The following ARHGAP26 variants were observed in gnomAD, a reference collection of about 807,000 sequenced individuals.
ARHGAP26 encodes the protein Rho GTPase activating protein 26, also known as rho GTPase-activating protein 26.
ARHGAP26 carries 38 observed loss-of-function variants against 104.8 expected under a neutral mutation model. That is an observed-to-expected ratio of 0.36 (90% CI 0.28 to 0.48). The LOEUF (loss-of-function observed/expected upper bound fraction) is 0.48, where lower values mean the gene tolerates loss of function less well. Among genes scored for constraint, ARHGAP26 ranks in the 20% least tolerant of loss-of-function variants. The probability of loss-of-function intolerance (pLI) is 0.99; values close to 1 mark genes in which losing one functional copy is unlikely to be tolerated. For missense variants in ARHGAP26, 704 were observed against 947.9 expected (o/e 0.74, Z 3.38); for synonymous variants, 341 against 340.0 (o/e 1.00, Z -0.03).
At chr5:143,097,284 G>A (rs1792477931) in intron 17 of ARHGAP26, among the ~76,000 whole-genome samples, 1 of 148,890 alleles carries the variant, frequency 6.7e-6, no homozygotes, top group Admixed American at 6.8e-5. Context: ...CGTGGAGGTT[G>A]CAGTGAGCCG....
intron 1 of ARHGAP26, among the ~76,000 whole-genome samples, chr5:142,785,538 T>C (rs1230410101): frequency 6.6e-6 from 1 of 152,212 alleles, no homozygotes; most frequent in East Asian, 1.9e-4. Flanking sequence ...GAGCGTGTTA[T>C]TTCTGCTTGA....
chr5:142,819,600 A>C (rs1264605435), intron 1 of ARHGAP26, among the ~76,000 whole-genome samples: 1 of 152,162 alleles, frequency 6.6e-6, no homozygotes, highest in Admixed American at 6.5e-5. Flanking sequence ...GATTACACAA[A>C]CTGATGTTAC....
chr5:142,894,493 G>A (rs1283248669), intron 6 of ARHGAP26, 145 bp downstream of exon 6: 36 of 712,154 alleles, frequency 5.1e-5, no homozygotes, highest in Middle Eastern at 7.7e-4. Context: ...AGTGCTTTGC[G>A]AGCCTGGCTG....
chr5:142,970,407 G>C (rs1772087771), intron 11 of ARHGAP26, among the ~76,000 whole-genome samples: 1 of 152,210 alleles, frequency 6.6e-6, no homozygotes, highest in African/African-American at 2.4e-5. Context: ...AGTAGCCTTT[G>C]ACTCTTTCTG....
At chr5:143,020,600 T>C (rs544379481) in intron 12 of ARHGAP26, among the ~76,000 whole-genome samples, 1 of 151,374 alleles carries the variant, frequency 6.6e-6, no homozygotes, top group East Asian at 1.9e-4. Flanking sequence ...CTTTCTTTCC[T>C]TGTGGTTTGT....
chr5:143,022,705 A>G (rs1780520683), intron 12 of ARHGAP26, among the ~76,000 whole-genome samples: 1 of 152,350 alleles, frequency 6.6e-6, no homozygotes, highest in Non-Finnish European at 1.5e-5. Flanking sequence ...TGCCATTTGT[A>G]CAAATGCTGT....
intron 20 of ARHGAP26, among the ~76,000 whole-genome samples, chr5:143,196,239 C>T (rs1472217130): frequency 6.6e-6 from 1 of 152,068 alleles, no homozygotes; most frequent in Non-Finnish European, 1.5e-5. Context: ...GCTTTCTCCT[C>T]CCCCATCACA....
chr5:143,108,504 G>A (rs535592203), intron 17 of ARHGAP26, among the ~76,000 whole-genome samples: 5 of 152,106 alleles, frequency 3.3e-5, no homozygotes, highest in Non-Finnish European at 5.9e-5. Context: ...AGGACATATA[G>A]GTTTGTCAAT....
At chr5:143,060,317 A>G (rs1448002487) in intron 17 of ARHGAP26, among the ~76,000 whole-genome samples, 6 of 152,312 alleles carry the variant, frequency 3.9e-5, no homozygotes, top group Non-Finnish European at 7.4e-5. Context: ...AAAGGCAAGC[A>G]TTTTGTATTG....
At chr5:142,811,782 G>T (rs1272140571) in intron 1 of ARHGAP26, among the ~76,000 whole-genome samples, 1 of 152,214 alleles carries the variant, frequency 6.6e-6, no homozygotes, top group Non-Finnish European at 1.5e-5. Context: ...TTTCACTTAT[G>T]ATACTCTTGT....
intron 20 of ARHGAP26, among the ~76,000 whole-genome samples, chr5:143,177,987 C>CTTTTTTTTTT (rs397705462): frequency 1.7e-5 from 1 of 58,296 alleles, no homozygotes; most frequent in African/African-American, 6.9e-5. Flanking sequence ...TGTGGCAGTC[C>CTTTTTTTTTT]TTTTTTTTTT....
chr5:142,905,502 C>T (rs1760982019), intron 8 of ARHGAP26, among the ~76,000 whole-genome samples: 1 of 152,120 alleles, frequency 6.6e-6, no homozygotes, highest in Non-Finnish European at 1.5e-5. Flanking sequence ...TTACCCAGTG[C>T]ATCAATTTTT....
chr5:143,201,434 T>G (rs1169109556), intron 20 of ARHGAP26, among the ~76,000 whole-genome samples: 3 of 152,262 alleles, frequency 2.0e-5, no homozygotes, highest in African/African-American at 7.2e-5. Context: ...AATTTGATAT[T>G]GGAGGTTTCA....
intron 18 of ARHGAP26, among the ~76,000 whole-genome samples, chr5:143,130,814 C>G (rs1797249996): frequency 6.6e-6 from 1 of 152,214 alleles, no homozygotes; most frequent in African/African-American, 2.4e-5. Flanking sequence ...TTTCCAGAGT[C>G]ATTAATGAAA....
chr5:143,048,928 A>AG (rs1426846796), intron 14 of ARHGAP26, among the ~76,000 whole-genome samples: 1 of 151,422 alleles, frequency 6.6e-6, no homozygotes, highest in Non-Finnish European at 1.5e-5. Flanking sequence ...AGAAAAAAAA[A>AG]AAAAAAAACC....
intron 7 of ARHGAP26, 86 bp downstream of exon 7, chr5:142,902,125 G>A: frequency 8.1e-7 from 1 of 1,228,398 alleles, no homozygotes; most frequent in Non-Finnish European, 1.2e-6. Flanking sequence ...CATCCAGGTG[G>A]CTTGGAATGT....
intron 17 of ARHGAP26, among the ~76,000 whole-genome samples, chr5:143,064,421 G>A (rs748645658): frequency 6.7e-6 from 1 of 149,282 alleles, no homozygotes; most frequent in Non-Finnish European, 1.5e-5. Flanking sequence ...TTTTCTCCTG[G>A]AAGATTTATT....
intron 10 of ARHGAP26, among the ~76,000 whole-genome samples, chr5:142,920,595 C>T (rs1011966891): frequency 6.6e-6 from 1 of 152,206 alleles, no homozygotes; most frequent in Non-Finnish European, 1.5e-5. Flanking sequence ...AGCTGACTCT[C>T]ACCAATGTCC....
At position 142,932,050 on chromosome 5, in the gene ARHGAP26, A is replaced by G. The variant is rs1160434011; in HGVS notation, c.1032A>G (p.Pro344=). The part of the protein sequence containing the change: ...FCFDVEAVDR[P]GVITMQALSE... ...CATGTCCCTCCTTTCTCTGCAGGCC[A>G]GGGGTTATCACCATGCAAGCTTTGT... Residue 344 remains proline, a synonymous_variant, in exon 11 of 23, where the codon CCA becomes CCG. Coordinates refer to ENST00000645722, the MANE Select transcript of ARHGAP26 (RefSeq NM_001135608.3). 6.2e-7 allele frequency: 1 copy of G among 1,613,968 alleles called. No homozygotes were observed. The highest frequency in any genetic ancestry group is 8.5e-7 in the Non-Finnish European group (1 of 1,179,932).
Sources: gnomAD v4.1 joint callset for allele counts (sites outside exome capture counted in the v4.1 genomes callset) on GRCh38, gnomAD v4.1.1 for gene constraint, MANE v1.5 for transcripts, NCBI Gene and HGNC (gene_info 2026-07-23, HGNC 2026-07-21) for gene names.